Variants in TAFA2 observed in about 807,000 individuals in gnomAD.
TAFA2 encodes chemokine-like protein TAFA-2.
TAFA2 carries 7 observed loss-of-function variants against 18.8 expected under a neutral mutation model. The observed-to-expected ratio is 0.37, with a 90% confidence interval of 0.21 to 0.70. TAFA2 has a LOEUF of 0.70. Ranked by LOEUF, TAFA2 falls within the 30% of genes least tolerant of loss-of-function variation. TAFA2 has a pLI of 0.53. For synonymous variants in TAFA2, 60 were observed against 54.2 expected, an observed-to-expected ratio of 1.11 and a Z score of -0.47; for missense variants, 122 against 158.1, an observed-to-expected ratio of 0.77 and a Z score of 1.23.
At chr12:61,807,877 C>T (rs576691798) in intron 2 of TAFA2, among the ~76,000 whole-genome samples, 3 of 151,660 alleles carry the variant, frequency 2.0e-5, no homozygotes, top group African/African-American at 7.3e-5. Context: ...ATGCCTGTAA[C>T]CCCATTGTAT....
rs2062826521 is a variant in TAFA2, at chr12:62,234,501, G to A, written c.-130+24262C>T. 1.5e-5 allele frequency: 16 copies of A among 1,082,496 alleles called. No individual in the cohort carries two copies. In the South Asian group the frequency reaches 2.0e-4, roughly 13 times the overall value. 67.1% of individuals were successfully genotyped at this position (1,082,496 alleles called of 1,614,324 possible). The stretch of plus-strand genomic sequence containing the variant: ...GATGGTCAGACCTCATGAACTCTTG[G>A]CTGCACTGATCACATTTATATGGTC... On this transcript the variant is annotated intron_variant, in intron 1 of 5. Coordinates refer to the TAFA2 transcript ENST00000551619.
intron 1 of TAFA2, among the ~76,000 whole-genome samples, chr12:62,107,942 A>G (rs1869534042): frequency 6.6e-6 from 1 of 152,048 alleles, no homozygotes; most frequent in Non-Finnish European, 1.5e-5. Context: ...TTCATTTCTT[A>G]CCTTTTCATG....
At chr12:62,208,145 G>T (rs976800314) in intron 1 of TAFA2, among the ~76,000 whole-genome samples, 2 of 151,978 alleles carry the variant, frequency 1.3e-5, no homozygotes, top group Admixed American at 1.3e-4. Flanking sequence ...TTAGAGAAAC[G>T]GGCCTGCTTC....
intron 1 of TAFA2, among the ~76,000 whole-genome samples, chr12:61,896,433 T>C (rs1169400212): frequency 6.6e-6 from 1 of 152,210 alleles, no homozygotes; most frequent in Non-Finnish European, 1.5e-5. Context: ...ATTCCATAGA[T>C]TGCATACAAT....
chr12:61,838,342 T>C (rs1019342419), intron 2 of TAFA2, among the ~76,000 whole-genome samples: 9 of 152,044 alleles, frequency 5.9e-5, no homozygotes, highest in Non-Finnish European at 1.2e-4. Context: ...TTCCAATAAA[T>C]CCCGCTTTTC....
intron 1 of TAFA2, among the ~76,000 whole-genome samples, chr12:62,069,799 TG>T (rs1418351460): frequency 6.6e-6 from 1 of 152,228 alleles, no homozygotes; most frequent in African/African-American, 2.4e-5. Flanking sequence ...TTCACTTCAA[TG>T]TGCATAATCA....
chr12:61,846,413 G>C (rs1873408232), intron 2 of TAFA2, among the ~76,000 whole-genome samples: 1 of 152,126 alleles, frequency 6.6e-6, no homozygotes, highest in Non-Finnish European at 1.5e-5. Context: ...ACCTGTGTAA[G>C]ATGAGTGATA....
intron 2 of TAFA2, among the ~76,000 whole-genome samples, chr12:61,850,357 ATTATC>A (rs1000547906): frequency 3.3e-5 from 5 of 151,850 alleles, no homozygotes; most frequent in Admixed American, 6.6e-5. Context: ...TGTTAAATAT[ATTATC>A]TTATCTAAAT....
chr12:61,790,715 G>C (rs1870939139), intron 2 of TAFA2, among the ~76,000 whole-genome samples: 1 of 151,726 alleles, frequency 6.6e-6, no homozygotes, highest in African/African-American at 2.4e-5. Context: ...CAACTGAGAA[G>C]TACACGAATA....
At chr12:61,766,607 T>C (rs1162513376) in intron 2 of TAFA2, among the ~76,000 whole-genome samples, 1 of 152,104 alleles carries the variant, frequency 6.6e-6, no homozygotes, top group Admixed American at 6.5e-5. Flanking sequence ...ATATCTCTGT[T>C]TCCCCTACTA....
intron 1 of TAFA2, among the ~76,000 whole-genome samples, chr12:61,951,503 A>G (rs1878465664): frequency 1.3e-5 from 2 of 152,130 alleles, no homozygotes; most frequent in Admixed American, 1.3e-4. Flanking sequence ...AAATTAGGCA[A>G]CAGTAATTGG....
intron 1 of TAFA2, among the ~76,000 whole-genome samples, chr12:61,959,256 G>C (rs551100536): frequency 8.6e-5 from 13 of 151,980 alleles, no homozygotes; most frequent in Non-Finnish European, 1.5e-5. Context: ...ATGTTAATTT[G>C]GGGAAAGTTG....
intron 2 of TAFA2, among the ~76,000 whole-genome samples, chr12:61,854,966 C>T (rs1028340947): frequency 2.0e-5 from 3 of 152,068 alleles, no homozygotes; most frequent in African/African-American, 4.8e-5. Flanking sequence ...GAAGAGAGAT[C>T]CCAGGATGAA....
rs1211693839 is a variant in TAFA2, at chr12:61,960,780, A to AG, written c.-1-93355_-1-93354insC. ...GCCACTTTGTCCTATTTCACCAAAA[A>AG]AAAAAAAAATCTTCTTTTCTCAAAT... is the stretch of plus-strand genomic sequence containing the variant. On this transcript the variant is annotated intron_variant, in intron 1 of 4. Coordinates refer to ENST00000416284, the MANE Select transcript of TAFA2 (RefSeq NM_178539.5). Among the ~76,000 whole-genome samples, 7 of 151,620 alleles carry AG rather than the reference A, an allele frequency of 4.6e-5. 1 individual carries two copies. In the South Asian group the frequency reaches 8.4e-4, roughly 18 times the overall value.
intron 1 of TAFA2, among the ~76,000 whole-genome samples, chr12:62,020,930 T>G (rs950068048): frequency 6.6e-6 from 1 of 152,210 alleles, no homozygotes; most frequent in Admixed American, 6.5e-5. Context: ...AAATTTAAAT[T>G]TTAGTGCCCC....
intron 1 of TAFA2, among the ~76,000 whole-genome samples, chr12:62,069,995 T>C (rs1882586931): frequency 6.6e-6 from 1 of 152,128 alleles, no homozygotes; most frequent in Admixed American, 6.5e-5. Context: ...GTTTTGGGAG[T>C]AATATTAATT....
intron 1 of TAFA2, among the ~76,000 whole-genome samples, chr12:62,129,501 T>C (rs568867495): frequency 2.4e-4 from 37 of 152,142 alleles, no homozygotes; most frequent in African/African-American, 8.9e-4. Context: ...CCAACATTTC[T>C]GCAGTTCACC....
At chr12:61,726,715 T>C (rs1870184363) in intron 4 of TAFA2, among the ~76,000 whole-genome samples, 1 of 152,118 alleles carries the variant, frequency 6.6e-6, no homozygotes, top group South Asian at 2.1e-4. Flanking sequence ...CCTATTTGGA[T>C]GTCCTTTATT....
chr12:61,814,987 C>G (rs185393405), intron 2 of TAFA2, among the ~76,000 whole-genome samples: 5 of 151,620 alleles, frequency 3.3e-5, no homozygotes, highest in Non-Finnish European at 1.5e-5. Flanking sequence ...GAATCTCTGA[C>G]CTTCAGAAAT....
Sources: allele counts gnomAD v4.1 joint callset (sites outside exome capture counted in the v4.1 genomes callset), GRCh38; gene constraint gnomAD v4.1.1; transcripts MANE v1.5; gene names NCBI Gene and HGNC (gene_info 2026-07-23, HGNC 2026-07-21).